The following LPAR1 variants were observed in gnomAD, a reference collection of about 807,000 sequenced individuals.
LPAR1 encodes LPA receptor 1.
LPAR1 carries 5 observed loss-of-function variants against 23.8 expected under a neutral mutation model. The ratio of observed to expected loss-of-function variants is 0.21; its 90% CI spans 0.11 to 0.44. The LOEUF (loss-of-function observed/expected upper bound fraction) is 0.44. Ranked by LOEUF, LPAR1 falls within the 20% of genes least tolerant of loss-of-function variation. The pLI, the probability that LPAR1 is intolerant of heterozygous loss-of-function variation, is 0.99. For synonymous variants in LPAR1, 160 were observed against 164.7 expected (o/e 0.97, Z 0.22); for missense variants, 311 against 482.8 (o/e 0.64, Z 3.33).
intron 2 of LPAR1, among the ~76,000 whole-genome samples, chr9:110,986,793 A>G (rs1212080813): frequency 6.6e-6 from 1 of 152,118 alleles, no homozygotes; most frequent in African/African-American, 2.4e-5. Flanking sequence ...TTCTCTTAAC[A>G]GAGACATCTT....
chr9:111,029,725 G>A (rs1463196032), intron 2 of LPAR1, among the ~76,000 whole-genome samples: 3 of 151,822 alleles, frequency 2.0e-5, no homozygotes, highest in Non-Finnish European at 2.9e-5. Context: ...ACTCAAGAGC[G>A]GGGACCGTAC....
At chr9:110,947,770 C>G (rs2095433080) in intron 4 of LPAR1, among the ~76,000 whole-genome samples, 1 of 152,044 alleles carries the variant, frequency 6.6e-6, no homozygotes, top group East Asian at 1.9e-4. Context: ...ACTCATTGGC[C>G]AAGAGGAAGA....
chr9:110,889,941 A>G (rs1317170188), intron 5 of LPAR1, among the ~76,000 whole-genome samples: 2 of 152,236 alleles, frequency 1.3e-5, no homozygotes, highest in Non-Finnish European at 2.9e-5. Flanking sequence ...AAGTTGAGCA[A>G]AAATATATAA....
At chr9:110,892,940 G>A (rs2085033186) in intron 5 of LPAR1, among the ~76,000 whole-genome samples, 1 of 152,140 alleles carries the variant, frequency 6.6e-6, no homozygotes, top group South Asian at 2.1e-4. Context: ...GGAAACCCAT[G>A]ATTGTCCAGC....
upstream of LPAR1, chr9:111,038,614 A>C (rs780268554): frequency 2.2e-6 from 1 of 454,746 alleles, no homozygotes; most frequent in South Asian, 1.6e-5. This position sits in a 1 kb window ranked among gnomAD's most constrained non-coding sequence, Gnocchi z 4.4. Context: ...CCGAACCCCC[A>C]GAGTCCGCCC....
Position 110,928,960 on chromosome 9 carries a change from CT to C in LPAR1, c.793+12460del, listed in dbSNP as rs1455822311. Among the ~76,000 whole-genome samples, 4 of 152,274 alleles carry C rather than the reference CT, an allele frequency of 2.6e-5. No individual in the cohort carries two copies. In the East Asian group the frequency reaches 7.7e-4, roughly 29 times the overall value. ...ATGCCTGCAATATAAATATGAGAAG[CT>C]TTTTGAAGCACAGAAATACCTGTTT... On this transcript the variant is annotated intron_variant, in intron 5 of 5. Transcript: ENST00000683809.
chr9:110,903,882 C>CAAAAAAAAAAAAAAAAAAAAA (rs61456167), intron 5 of LPAR1, among the ~76,000 whole-genome samples: 1 of 77,226 alleles, frequency 1.3e-5, no homozygotes, highest in Non-Finnish European at 2.4e-5. Flanking sequence ...AAGTGAATTG[C>CAAAAAAAAAAAAAAAAAAAAA]AAAAAAAAAA....
chr9:110,946,753 A>G (rs2095397084), intron 4 of LPAR1, among the ~76,000 whole-genome samples: 1 of 152,118 alleles, frequency 6.6e-6, no homozygotes, highest in East Asian at 1.9e-4. Context: ...ATTCTAAATA[A>G]TTGTTCTTCA....
chr9:110,999,431 G>C, intron 2 of LPAR1: 1 of 456,094 alleles, frequency 2.2e-6, no homozygotes, highest in East Asian at 7.0e-5. Flanking sequence ...GGAATGAGTA[G>C]CAGCAGCATC....
chr9:111,005,993 G>A (rs1019642321), intron 2 of LPAR1, among the ~76,000 whole-genome samples: 2 of 152,118 alleles, frequency 1.3e-5, no homozygotes, highest in African/African-American at 4.8e-5. Flanking sequence ...AGCTTCCTGA[G>A]GATAAAGCCA....
chr9:111,037,269 A>G (rs1010162169), intron 1 of LPAR1, among the ~76,000 whole-genome samples: 6 of 152,202 alleles, frequency 3.9e-5, no homozygotes, highest in African/African-American at 1.4e-4. Flanking sequence ...CCCCATAGGA[A>G]ACGACGCGTC....
At chr9:110,879,766 G>C (rs1429492703) in intron 5 of LPAR1, among the ~76,000 whole-genome samples, 1 of 152,228 alleles carries the variant, frequency 6.6e-6, no homozygotes, top group African/African-American at 2.4e-5. Flanking sequence ...GAGAGATAAT[G>C]AAAGCCAGAA....
intron 2 of LPAR1, among the ~76,000 whole-genome samples, chr9:111,004,085 G>A (rs2097173716): frequency 6.6e-6 from 1 of 152,116 alleles, no homozygotes; most frequent in Non-Finnish European, 1.5e-5. Context: ...CCAGTACACA[G>A]CTGCCATAGT....
At chr9:110,986,055 T>C (rs139380673) in intron 2 of LPAR1, among the ~76,000 whole-genome samples, 161 of 152,256 alleles carry the variant, frequency 1.1e-3, no homozygotes, top group African/African-American at 3.4e-3. Context: ...AGTAGAACTC[T>C]ACTCTGGGTA....
chr9:110,974,028 GGGCGTGGT>G lies in LPAR1; in HGVS notation c.-181-478_-181-471del, dbSNP rs1363963363. Among the ~76,000 whole-genome samples, 17 of 152,018 alleles carry G rather than the reference GGGCGTGGT, an allele frequency of 1.1e-4. 1 individual carries two copies. ...TCTACTTAAAATATAAAAATTAGCTGGGCGTGGTGGCACACACCTACTCAGGAGGCTGA... is the reference window on the plus strand; with the variant it reads ...TCTACTTAAAATATAAAAATTAGCTGGGCACACACCTACTCAGGAGGCTGA... On this transcript the variant is annotated intron_variant, in intron 2 of 5. Transcript: ENST00000683809.
chr9:111,006,591 T>G (rs2097221689), intron 2 of LPAR1, among the ~76,000 whole-genome samples: 1 of 152,072 alleles, frequency 6.6e-6, no homozygotes, highest in Non-Finnish European at 1.5e-5. Flanking sequence ...CCCAAATAAT[T>G]TGGGTTGATC....
intron 4 of LPAR1, 138 bp downstream of exon 4, chr9:110,971,935 C>T (rs765840293): frequency 1.2e-4 from 91 of 747,612 alleles, no homozygotes; most frequent in Non-Finnish European, 1.9e-4. Context: ...CACAAAAGCA[C>T]CATTATTCGA....
At chr9:110,991,918 C>G (rs1340344435) in intron 2 of LPAR1, among the ~76,000 whole-genome samples, 1 of 152,050 alleles carries the variant, frequency 6.6e-6, no homozygotes, top group East Asian at 1.9e-4. Flanking sequence ...AAAGACTCCT[C>G]CCAGGCTGTA....
At chr9:110,952,177 G>A (rs1294825392) in intron 4 of LPAR1, among the ~76,000 whole-genome samples, 1 of 152,154 alleles carries the variant, frequency 6.6e-6, no homozygotes, top group Non-Finnish European at 1.5e-5. Flanking sequence ...AAGCAAGGCA[G>A]CCTGCTGTTC....
Sources: allele counts gnomAD v4.1 joint callset (sites outside exome capture counted in the v4.1 genomes callset), GRCh38; gene constraint gnomAD v4.1.1; non-coding constraint Gnocchi (gnomAD v3.1); transcripts MANE v1.5; gene names NCBI Gene and HGNC (gene_info 2026-07-23, HGNC 2026-07-21).